NCBP3: variants seen among roughly 807,000 people sequenced by gnomAD.
NCBP3 encodes nuclear cap-binding protein subunit 3.
A neutral mutation model predicts 75.7 loss-of-function variants in NCBP3; 20 were observed. The observed-to-expected ratio is 0.26, with a 90% CI of 0.19 to 0.38. NCBP3 has a LOEUF of 0.38. Among genes scored for constraint, NCBP3 ranks in the 10% least tolerant of loss-of-function variants. NCBP3 has a pLI of 1.00. For missense variants in NCBP3, 678 were observed against 796.9 expected (o/e 0.85, Z 1.80); for synonymous variants, 293 against 290.5 (o/e 1.01, Z -0.09).
At chr17:3,845,991 T>G in intron 1 of NCBP3, 50 bp downstream of exon 1, 1 of 1,524,332 alleles carries the variant, frequency 6.6e-7, no homozygotes, top group Non-Finnish European at 8.8e-7. Context: ...CCTCCGGCGC[T>G]AGACACTAGC....
chr17:3,830,898 T>A (rs947822119), intron 3 of NCBP3, among the ~76,000 whole-genome samples: 1 of 151,248 alleles, frequency 6.6e-6, no homozygotes, highest in South Asian at 2.1e-4. Flanking sequence ...CGTACTTTTT[T>A]AACTACCTTT....
At chr17:3,832,323 T>C (rs1383902261) in intron 3 of NCBP3, among the ~76,000 whole-genome samples, 3 of 116,454 alleles carry the variant, frequency 2.6e-5, no homozygotes, top group African/African-American at 7.8e-5. Flanking sequence ...TTAAAATAAA[T>C]AAAATAATAA....
chr17:3,818,321 T>C lies in NCBP3; in HGVS notation c.1252A>G (p.Lys418Glu). 6.2e-7 allele frequency: 1 copy of C among 1,614,074 alleles called. No homozygotes were observed. The highest frequency in any genetic ancestry group is 8.5e-7 in the Non-Finnish European group (1 of 1,179,984). Residue 418 changes from lysine (K) to glutamate (E), a missense_variant, in exon 10 of 13, where the codon AAA (lysine) becomes GAA (glutamate). Physicochemically the swap from Lys to Glu is moderately conservative, Grantham distance 56. This residue lies in a region of NCBP3 where 365 missense variants were observed against 392.7 expected (regional missense o/e 0.93). Transcript: ENST00000389005. The surrounding 1 kb of genome is among the most constrained non-coding windows in gnomAD (Gnocchi z 4.7). ...LKMISTPSPK[K>E]SMKMTMYADE... is the part of the protein sequence containing the mutation. ...GCATACATAGTCATTTTCATGCTTT[T>C]CTTTGGTGAAGGCGTGGAAATCATT...
chr17:3,838,117 T>C (rs977372074), intron 3 of NCBP3, among the ~76,000 whole-genome samples: 3 of 152,182 alleles, frequency 2.0e-5, no homozygotes, highest in African/African-American at 7.2e-5. Context: ...ACAAAGGAAC[T>C]GAGACTAGAT....
intron 3 of NCBP3, 71 bp from the exon 4 acceptor site, chr17:3,829,439 T>C: frequency 6.7e-7 from 1 of 1,482,036 alleles, no homozygotes; most frequent in East Asian, 2.5e-5. Flanking sequence ...TCCACACTCC[T>C]TCCTAATAGT....
rs186067791 is a variant in NCBP3, at chr17:3,832,390, T to G, written c.356-3022A>C. ...GGCTCACGCCTGTAATCCCAGCACT[T>G]TGGGAGGCCGGGGCGGGCAGATCAC... On this transcript the variant is annotated intron_variant, in intron 3 of 12. Coordinates refer to ENST00000389005, the MANE Select transcript of NCBP3 (RefSeq NM_001114118.3). Among the ~76,000 whole-genome samples the G allele has an allele frequency of 2.8e-3, 330 of 119,738 alleles. 100 individuals are homozygous for G. The highest frequency in any genetic ancestry group is 2.7e-3 in the Admixed American group (32 of 11,888). The allele number at this position is 119,738 out of a possible 152,430, so 78.6% of individuals were successfully genotyped here.
At chr17:3,829,480 C>T (rs2053841609) in intron 3 of NCBP3, 112 bp from the exon 4 acceptor site, 1 of 1,146,112 alleles carries the variant, frequency 8.7e-7, no homozygotes, top group African/African-American at 1.6e-5. Flanking sequence ...AAGAAACATG[C>T]TGAGAGAAAC....
chr17:3,826,013 A>G (rs2053776865), intron 5 of NCBP3, 74 bp downstream of exon 5: 1 of 1,503,344 alleles, frequency 6.7e-7, no homozygotes, highest in Non-Finnish European at 8.9e-7. Context: ...GATGCTATAT[A>G]GAGCTCTGCT....
At chr17:3,814,560 G>C (rs1299292732) in intron 11 of NCBP3, 77 bp from the exon 12 acceptor site, 9 of 1,499,228 alleles carry the variant, frequency 6.0e-6, no homozygotes, top group Admixed American at 1.9e-5. Context: ...CACCTCTAAC[G>C]GATCTGGCGC....
Position 3,806,980 on chromosome 17 carries a change from C to T in NCBP3, c.*6064G>A, listed in dbSNP as rs2053343570. The T allele has an allele frequency of 1.3e-5, 2 of 152,316 alleles. No individual in the cohort carries two copies. Among genetic ancestry groups the T allele is most frequent in the Non-Finnish European group, 2.9e-5 (2 of 68,026 alleles). The allele number at this position is 152,316 out of a possible 1,614,324, so 9.4% of individuals were successfully genotyped here. ...TGTATCGAACTTATTTGTGTAGCAA[C>T]TAATTCATCTGTGAAGCCATGGTTT... On this transcript the variant is annotated 3_prime_UTR_variant, in exon 13 of 13. Transcript: ENST00000389005.
At position 3,809,794 on chromosome 17, in the gene NCBP3, A is replaced by C. The variant is rs929625617; in HGVS notation, c.*3250T>G. ...CCCATTAACCAATGTGGATTAAAAA[A>C]AAGGTGGCATACCCATAAAATGGAC... On this transcript the variant is annotated 3_prime_UTR_variant, in exon 13 of 13. Coordinates refer to ENST00000389005, the MANE Select transcript of NCBP3 (RefSeq NM_001114118.3). The C allele has an allele frequency of 9.9e-5, 15 of 152,258 alleles. No homozygotes were observed. The highest frequency in any genetic ancestry group is 3.3e-4 in the Admixed American group (5 of 15,288). The allele number at this position is 152,258 out of a possible 1,614,324, so 9.4% of individuals were successfully genotyped here.
At chr17:3,831,109 C>G (rs571609736) in intron 3 of NCBP3, among the ~76,000 whole-genome samples, 112 of 150,924 alleles carry the variant, frequency 7.4e-4, no homozygotes, top group African/African-American at 2.3e-3. Flanking sequence ...CGACGTTTCT[C>G]CATGGTGGTC....
At chr17:3,839,073 G>A (rs2054022186) in intron 3 of NCBP3, among the ~76,000 whole-genome samples, 1 of 152,004 alleles carries the variant, frequency 6.6e-6, no homozygotes, top group South Asian at 2.1e-4. Context: ...TATTATAGTA[G>A]AATAATAAAT....
intron 4 of NCBP3, among the ~76,000 whole-genome samples, chr17:3,827,114 G>C (rs1287387425): frequency 6.6e-6 from 1 of 151,666 alleles, no homozygotes; most frequent in Non-Finnish European, 1.5e-5. Context: ...AGATGGAAGG[G>C]AAGGGGAGGG....
Position 3,843,243 on chromosome 17 carries a change from C to CTTT in NCBP3, c.184-95_184-93dup, listed in dbSNP as rs5818919. On this transcript the variant is annotated intron_variant, in intron 1 of 12. Transcript: ENST00000389005. ...CCTGACATCTGCAGGTTCTTTTTTC[C>CTTT]TTTTTTTTTTTTTTTTGTTGGTGAC... 4.2e-3 allele frequency: 2,930 copies of CTTT among 692,730 alleles called. 41 individuals are homozygous for CTTT. Among genetic ancestry groups the CTTT allele is most frequent in the African/African-American group, 0.034 (1,697 of 50,286 alleles). 42.9% of individuals were successfully genotyped at this position (692,730 alleles called of 1,614,324 possible).
intron 8 of NCBP3, 78 bp from the exon 9 acceptor site, chr17:3,821,430 CTTTT>C (rs527683914): frequency 7.6e-6 from 8 of 1,049,158 alleles, no homozygotes; most frequent in Non-Finnish European, 1.1e-5. Context: ...TTTCTCTTTT[CTTTT>C]TTTTTTGTGA....
Position 3,807,956 on chromosome 17 carries a change from T to C in NCBP3, c.*5088A>G, listed in dbSNP as rs550987540. 6 of 152,326 alleles carry C rather than the reference T, an allele frequency of 3.9e-5. No homozygotes were observed. The highest frequency in any genetic ancestry group is 1.4e-4 in the African/African-American group (6 of 41,582). 9.4% of individuals were successfully genotyped at this position (152,326 alleles called of 1,614,324 possible). A position where few individuals can be genotyped will look rare whatever the true frequency, so the allele number is the denominator to read the frequency against. ...TGTGGGGTACAGTGATTTGGCATTATACACACATTTCGCTTAAACACAATG... is the reference window on the plus strand; with the variant it reads ...TGTGGGGTACAGTGATTTGGCATTACACACACATTTCGCTTAAACACAATG... On this transcript the variant is annotated 3_prime_UTR_variant, in exon 13 of 13. Transcript: ENST00000389005.
chr17:3,823,561 T>C (rs2053712465), intron 7 of NCBP3, among the ~76,000 whole-genome samples: 1 of 152,164 alleles, frequency 6.6e-6, no homozygotes, highest in African/African-American at 2.4e-5. Flanking sequence ...TCAAAGTATC[T>C]GCCCACCAAT....
rs979170214 is a variant in NCBP3 at position 3,811,514 on chromosome 17, A to G, written c.*1530T>C. Reference sequence around the variant, plus strand: ...GCAAGGTTAATCAACAAAATATGGGACAATACAGTTTTTGTTGCAGCTCTC... The same window carrying G: ...GCAAGGTTAATCAACAAAATATGGGGCAATACAGTTTTTGTTGCAGCTCTC... On this transcript the variant is annotated 3_prime_UTR_variant, in exon 13 of 13. Transcript: ENST00000389005. 2 of 152,236 alleles carry G rather than the reference A, an allele frequency of 1.3e-5. No homozygotes were observed. The highest frequency in any genetic ancestry group is 4.8e-5 in the African/African-American group (2 of 41,454). The allele number at this position is 152,236 out of a possible 1,614,324, so 9.4% of individuals were successfully genotyped here.
Sources: gnomAD v4.1 joint callset for allele counts (sites outside exome capture counted in the v4.1 genomes callset) on GRCh38, gnomAD v4.1.1 for gene constraint, gnomAD v4.1.1 regional missense constraint, Gnocchi (gnomAD v3.1) non-coding constraint, MANE v1.5 for transcripts, NCBI Gene and HGNC (gene_info 2026-07-23, HGNC 2026-07-21) for gene names.